ADAMTS17: variants seen among roughly 807,000 people sequenced by gnomAD.
ADAMTS17 encodes A disintegrin and metalloproteinase with thrombospondin motifs 17.
ADAMTS17 carries 113 observed loss-of-function variants against 141.5 expected under a neutral mutation model. That is an observed-to-expected ratio of 0.80 (90% CI 0.69 to 0.93). The LOEUF is 0.93. ADAMTS17 is among the 40% of genes least tolerant of loss of function. The pLI is 0.00. For synonymous variants in ADAMTS17, 768 were observed against 630.6 expected, an observed-to-expected ratio of 1.22 and a Z score of -3.27; for missense variants, 1,659 against 1,517.9, an observed-to-expected ratio of 1.09 and a Z score of -1.54.
chr15:100,159,387 CT>C (rs1249860858), intron 8 of ADAMTS17, among the ~76,000 whole-genome samples: 1 of 152,110 alleles, frequency 6.6e-6, no homozygotes, highest in African/African-American at 2.4e-5. Context: ...GTAGCTTTTT[CT>C]TTCTCTATTT....
chr15:100,185,625 C>T (rs1360534476), intron 8 of ADAMTS17, among the ~76,000 whole-genome samples: 1 of 152,248 alleles, frequency 6.6e-6, no homozygotes, highest in Non-Finnish European at 1.5e-5. Flanking sequence ...CCCTCTTCCA[C>T]TAAGTTGCAA....
intron 12 of ADAMTS17, among the ~76,000 whole-genome samples, chr15:100,119,600 A>T (rs913895885): frequency 6.6e-6 from 1 of 152,144 alleles, no homozygotes; most frequent in Non-Finnish European, 1.5e-5. Context: ...CACAACAATT[A>T]CCTTCACCTC....
intron 12 of ADAMTS17, among the ~76,000 whole-genome samples, chr15:100,117,848 T>C (rs28707570): frequency 0.032 from 4,920 of 152,294 alleles, 265 homozygotes; most frequent in African/African-American, 0.11. Context: ...GCACTTTTTA[T>C]TGAAATTCAG....
At chr15:100,159,350 A>G (rs545149114) in intron 8 of ADAMTS17, among the ~76,000 whole-genome samples, 2 of 152,352 alleles carry the variant, frequency 1.3e-5, no homozygotes, top group African/African-American at 4.8e-5. Context: ...TGTTAGGTGA[A>G]ATCAGCTTTT....
chr15:100,079,088 C>T (rs182917606), intron 15 of ADAMTS17, among the ~76,000 whole-genome samples: 1 of 152,314 alleles, frequency 6.6e-6, no homozygotes, highest in Admixed American at 6.5e-5. Context: ...AAACAGTAGC[C>T]TTCATTCACT....
chr15:99,984,371 G>A (rs551084531), intron 20 of ADAMTS17, among the ~76,000 whole-genome samples: 1 of 152,288 alleles, frequency 6.6e-6, no homozygotes, highest in South Asian at 2.1e-4. Context: ...GCTGCCCCAC[G>A]CCATGCCGCC....
At chr15:100,309,958 G>T (rs1319724440) in intron 3 of ADAMTS17, among the ~76,000 whole-genome samples, 1 of 152,242 alleles carries the variant, frequency 6.6e-6, no homozygotes, top group East Asian at 1.9e-4. Context: ...GAAACAGGAA[G>T]ATTTGAGGCA....
chr15:99,990,391 G>A (rs2060667111), intron 20 of ADAMTS17, among the ~76,000 whole-genome samples: 1 of 152,102 alleles, frequency 6.6e-6, no homozygotes, highest in Non-Finnish European at 1.5e-5. Context: ...GCCAGTGAAA[G>A]ATACATCCTG....
At chr15:100,030,077 G>T (rs917183588) in intron 18 of ADAMTS17, among the ~76,000 whole-genome samples, 10 of 152,128 alleles carry the variant, frequency 6.6e-5, no homozygotes, top group African/African-American at 2.4e-4. Context: ...AGAGGTGCTG[G>T]CCCCCAGATC....
At chr15:100,214,974 T>C (rs1348313167) in intron 7 of ADAMTS17, among the ~76,000 whole-genome samples, 1 of 152,246 alleles carries the variant, frequency 6.6e-6, no homozygotes, top group African/African-American at 2.4e-5. Context: ...TCTGCTCTAT[T>C]GTCCCATAGA....
intron 14 of ADAMTS17, among the ~76,000 whole-genome samples, chr15:100,108,174 T>C (rs1026123802): frequency 6.7e-6 from 1 of 149,016 alleles, no homozygotes; most frequent in African/African-American, 2.5e-5. Flanking sequence ...CTCGCATTCC[T>C]TTTTTTTTTC....
At chr15:100,176,605 T>A (rs2040347205) in intron 8 of ADAMTS17, among the ~76,000 whole-genome samples, 1 of 152,222 alleles carries the variant, frequency 6.6e-6, no homozygotes, top group African/African-American at 2.4e-5. Flanking sequence ...TGACATTGGG[T>A]ACGATCCACA....
chr15:100,199,658 G>A (rs963853105), intron 7 of ADAMTS17, among the ~76,000 whole-genome samples: 2 of 152,200 alleles, frequency 1.3e-5, no homozygotes, highest in Non-Finnish European at 2.9e-5. Context: ...GGGGTGTGCT[G>A]AGTAGAGTAC....
chr15:100,064,279 G>C (rs2033356626), intron 15 of ADAMTS17, among the ~76,000 whole-genome samples: 1 of 152,168 alleles, frequency 6.6e-6, no homozygotes, highest in Admixed American at 6.5e-5. Context: ...CCTCCCTCGT[G>C]ACCTGCAGAA....
chr15:100,111,679 CTG>C (rs1360418258), intron 13 of ADAMTS17, among the ~76,000 whole-genome samples: 42 of 152,228 alleles, frequency 2.8e-4, no homozygotes, highest in Admixed American at 2.7e-3. Flanking sequence ...TGACTCAGTA[CTG>C]GGAGTAATTG....
intron 12 of ADAMTS17, among the ~76,000 whole-genome samples, chr15:100,123,906 G>C (rs1448806287): frequency 6.6e-6 from 1 of 152,164 alleles, no homozygotes; most frequent in African/African-American, 2.4e-5. Flanking sequence ...CAGTCATCGG[G>C]GTGTGATGGG....
intron 14 of ADAMTS17, among the ~76,000 whole-genome samples, chr15:100,097,795 G>A (rs1000892806): frequency 1.6e-4 from 25 of 152,214 alleles, no homozygotes; most frequent in Non-Finnish European, 7.3e-5. Flanking sequence ...GATGAGAACC[G>A]CTGCATCATG....
intron 15 of ADAMTS17, among the ~76,000 whole-genome samples, chr15:100,085,715 T>C (rs1239686861): frequency 6.7e-6 from 1 of 150,220 alleles, no homozygotes. Context: ...GAAAAGAATT[T>C]TCAAGCCAGA....
chr15:100,191,468 G>A (rs898389311), intron 8 of ADAMTS17, among the ~76,000 whole-genome samples: 3 of 152,240 alleles, frequency 2.0e-5, no homozygotes, highest in Non-Finnish European at 4.4e-5. Flanking sequence ...GCCTGGCCTG[G>A]TGGGATTTGG....
Sources: allele counts gnomAD v4.1 joint callset (sites outside exome capture counted in the v4.1 genomes callset), GRCh38; gene constraint gnomAD v4.1.1; transcripts MANE v1.5; gene names NCBI Gene and HGNC (gene_info 2026-07-23, HGNC 2026-07-21).